Variants in SYT14 observed in about 807,000 individuals in gnomAD.
SYT14 encodes synaptotagmin-14.
In SYT14, 32 loss-of-function variants were observed where a neutral mutation model predicts 74.2. The observed-to-expected ratio is 0.43, with a 90% CI of 0.33 to 0.58. The LOEUF (loss-of-function observed/expected upper bound fraction) is 0.58. Among genes scored for constraint, SYT14 ranks in the 20% least tolerant of loss-of-function variants. The pLI is 0.05. For missense variants in SYT14, 791 were observed against 981.8 expected (o/e 0.81, Z 2.60); for synonymous variants, 298 against 337.7 (o/e 0.88, Z 1.29).
chr1:210,012,854 A>G (rs1039149654), intron 2 of SYT14, among the ~76,000 whole-genome samples: 2 of 151,748 alleles, frequency 1.3e-5, no homozygotes, highest in South Asian at 2.1e-4. Context: ...GGTGCCCGCC[A>G]CTACACCTGG....
intron 7 of SYT14, among the ~76,000 whole-genome samples, chr1:210,113,240 G>A (rs1457339790): frequency 6.6e-6 from 1 of 151,094 alleles, no homozygotes; most frequent in Admixed American, 6.6e-5. Flanking sequence ...TTTAAGGAAT[G>A]GAAAGGGGAG....
intron 2 of SYT14, among the ~76,000 whole-genome samples, chr1:209,988,767 G>C (rs917424574): frequency 1.8e-4 from 28 of 152,180 alleles, no homozygotes; most frequent in South Asian, 4.2e-4. Flanking sequence ...GTAAGATTTG[G>C]CATGTCTTCC....
chr1:210,162,994 T>A lies in SYT14; in HGVS notation c.*1952T>A, dbSNP rs774521516. ...CAAATGGCAAAATATCTCATTTAAG[T>A]GTTTTCAGCAACAGTATGAAAAAAG... On this transcript the variant is annotated 3_prime_UTR_variant, in exon 10 of 10. Coordinates refer to ENST00000637265, the Ensembl canonical transcript of SYT14. The A allele has an allele frequency of 6.6e-6, 3 of 453,138 alleles. No homozygotes were observed. The Admixed American group carries it at 7.1e-5, about 11-fold the overall frequency. 28.1% of individuals were successfully genotyped at this position (453,138 alleles called of 1,614,324 possible).
chr1:209,957,298 G>C (rs2079008908), intron 2 of SYT14, among the ~76,000 whole-genome samples: 1 of 152,090 alleles, frequency 6.6e-6, no homozygotes, highest in African/African-American at 2.4e-5. Context: ...TTTTGTTTGG[G>C]TGGGGTGGGA....
chr1:210,119,874 A>G (rs1267167775), intron 7 of SYT14, among the ~76,000 whole-genome samples: 1 of 152,218 alleles, frequency 6.6e-6, no homozygotes, highest in East Asian at 1.9e-4. Context: ...AAGGTTGTGA[A>G]GATTAAATGA....
chr1:210,097,247 A>G lies in SYT14; in HGVS notation c.1584+2654A>G, dbSNP rs146159560. Among the ~76,000 whole-genome samples the G allele has an allele frequency of 1.3e-4, 20 of 152,320 alleles. No homozygotes were observed. The East Asian group carries it at 3.1e-3, about 24-fold the overall frequency. On this transcript the variant is annotated intron_variant, in intron 6 of 9. Transcript: ENST00000637265. The stretch of plus-strand genomic sequence containing the variant: ...AAATTCTCACTTTTCTCTTGGTTTA[A>G]TCCAGGCTGTAGCTATCTTAGAGCC...
chr1:210,021,094 A>G, exon 5 of SYT14: 1 of 1,613,926 alleles, frequency 6.2e-7, no homozygotes, highest in Non-Finnish European at 8.5e-7. Context: ...GTGAAGATGA[A>G]GCGCTGGGTA....
intron 6 of SYT14, among the ~76,000 whole-genome samples, chr1:210,095,815 C>A (rs530010264): frequency 6.6e-6 from 1 of 151,504 alleles, no homozygotes; most frequent in Non-Finnish European, 1.5e-5. Flanking sequence ...AGTATCTGAC[C>A]GAGAAGAAAA....
intron 5 of SYT14, among the ~76,000 whole-genome samples, chr1:210,039,292 C>A (rs2080734450): frequency 6.6e-6 from 1 of 151,996 alleles, no homozygotes; most frequent in Non-Finnish European, 1.5e-5. Flanking sequence ...TGCTGTCTAG[C>A]CTGCAGTGTA....
chr1:209,987,434 G>T (rs2079591232), intron 2 of SYT14, among the ~76,000 whole-genome samples: 1 of 152,230 alleles, frequency 6.6e-6, no homozygotes, highest in South Asian at 2.1e-4. Context: ...GGGACATGAA[G>T]TGGGAGCAAG....
At chr1:210,022,755 A>G (rs552785346) in intron 5 of SYT14, among the ~76,000 whole-genome samples, 7 of 152,222 alleles carry the variant, frequency 4.6e-5, no homozygotes, top group Non-Finnish European at 8.8e-5. Flanking sequence ...AATGTAGCCA[A>G]TTATAATGGT....
At chr1:209,984,258 TG>T (rs2079536451) in intron 2 of SYT14, among the ~76,000 whole-genome samples, 1 of 152,134 alleles carries the variant, frequency 6.6e-6, no homozygotes, top group Admixed American at 6.6e-5. Flanking sequence ...ATTGCCAAGG[TG>T]GGGGCTGAAG....
intron 5 of SYT14, among the ~76,000 whole-genome samples, chr1:210,024,649 G>A (rs2080371739): frequency 6.6e-6 from 1 of 152,132 alleles, no homozygotes; most frequent in Non-Finnish European, 1.5e-5. Flanking sequence ...ATGCGTTTCA[G>A]GGAGAAGTTT....
rs1413697 is a variant in SYT14, at chr1:210,130,566, G to A, written c.2035-25155G>A. ...ACTGATTTGGAAAATATGCCAAGTG[G>A]CCCATTAATTATCCACAAGGCCATT... On this transcript the variant is annotated intron_variant, in intron 7 of 9. Transcript: ENST00000637265. Among the ~76,000 whole-genome samples the A allele has an allele frequency of 8.4e-3, 1,278 of 152,246 alleles. 22 individuals are homozygous for A. Among genetic ancestry groups the A allele is most frequent in the African/African-American group, 0.029 (1,218 of 41,544 alleles).
intron 7 of SYT14, among the ~76,000 whole-genome samples, chr1:210,142,673 A>T (rs576979055): frequency 6.6e-6 from 1 of 152,316 alleles, no homozygotes; most frequent in East Asian, 1.9e-4. Flanking sequence ...TCAAAGATTT[A>T]AAAGTAAGTA....
At chr1:210,074,201 AC>A (rs1242313529) in intron 5 of SYT14, among the ~76,000 whole-genome samples, 1 of 152,228 alleles carries the variant, frequency 6.6e-6, no homozygotes, top group Non-Finnish European at 1.5e-5. Flanking sequence ...AACTAAATTT[AC>A]CGACACTATG....
At chr1:210,152,319 C>T (rs887803253) in intron 7 of SYT14, among the ~76,000 whole-genome samples, 14 of 152,164 alleles carry the variant, frequency 9.2e-5, no homozygotes, top group African/African-American at 3.1e-4. Context: ...AATTCTCCTT[C>T]ATTACTTCTA....
At chr1:210,112,164 A>G (rs1247190115) in intron 7 of SYT14, among the ~76,000 whole-genome samples, 1 of 151,250 alleles carries the variant, frequency 6.6e-6, no homozygotes, top group Non-Finnish European at 1.5e-5. Context: ...CATCCAGTGG[A>G]AGTGTCTACC....
chr1:209,979,469 G>A (rs1422016555), intron 2 of SYT14, among the ~76,000 whole-genome samples: 1 of 152,026 alleles, frequency 6.6e-6, no homozygotes, highest in Non-Finnish European at 1.5e-5. Context: ...TAAGTTTAGG[G>A]GTACATTTGC....
Sources: gnomAD v4.1 joint callset for allele counts (sites outside exome capture counted in the v4.1 genomes callset) on GRCh38, gnomAD v4.1.1 for gene constraint, MANE v1.5 for transcripts, NCBI Gene and HGNC (gene_info 2026-07-23, HGNC 2026-07-21) for gene names.